Variants in ANKRD44 observed in about 807,000 individuals in gnomAD.
The protein encoded by ANKRD44 is ankyrin repeat domain 44.
Under a neutral mutation model 116.0 loss-of-function variants are expected in ANKRD44, and 35 were observed. The observed-to-expected ratio is 0.30, with a 90% CI of 0.23 to 0.40. The LOEUF is 0.40. Ranked by LOEUF, ANKRD44 falls within the 10% of genes least tolerant of loss-of-function variation. The probability of loss-of-function intolerance (pLI) is 1.00; values close to 1 mark genes in which losing one functional copy is unlikely to be tolerated. For synonymous variants in ANKRD44, 435 were observed against 461.8 expected, an observed-to-expected ratio of 0.94 and a Z score of 0.74; for missense variants, 1,014 against 1,242.6, an observed-to-expected ratio of 0.82 and a Z score of 2.77.
chr2:196,976,858 A>T (rs2075764644), intron 21 of ANKRD44, among the ~76,000 whole-genome samples: 1 of 150,522 alleles, frequency 6.6e-6, no homozygotes, highest in Non-Finnish European at 1.5e-5. Context: ...GCAGAGTGAG[A>T]TCTTGTCTCA....
intron 1 of ANKRD44, among the ~76,000 whole-genome samples, chr2:197,214,558 T>C (rs928665016): frequency 2.0e-5 from 3 of 152,168 alleles, no homozygotes; most frequent in Admixed American, 6.5e-5. Context: ...GTCTTAGTGA[T>C]TAGATTACAA....
chr2:197,040,129 C>A (rs1164939004), intron 16 of ANKRD44, among the ~76,000 whole-genome samples: 1 of 151,894 alleles, frequency 6.6e-6, no homozygotes, highest in African/African-American at 2.4e-5. Context: ...GTCTCAGCTA[C>A]TCAGGAGGCT....
chr2:197,096,642 T>G (rs1289640890), intron 10 of ANKRD44, among the ~76,000 whole-genome samples: 1 of 152,240 alleles, frequency 6.6e-6, no homozygotes, highest in East Asian at 1.9e-4. Flanking sequence ...AGAGTTAATT[T>G]AAATACATTT....
chr2:197,261,567 AAAT>A (rs1320401774), intron 1 of ANKRD44, among the ~76,000 whole-genome samples: 2 of 127,452 alleles, frequency 1.6e-5, no homozygotes, highest in Non-Finnish European at 3.4e-5. Flanking sequence ...TAAAAAAAAA[AAAT>A]GTTTCTTTTC....
chr2:197,064,099 T>C (rs950335706), intron 16 of ANKRD44, among the ~76,000 whole-genome samples: 2 of 152,214 alleles, frequency 1.3e-5, no homozygotes, highest in African/African-American at 4.8e-5. Context: ...TAACAGCTGA[T>C]CTCTTGGCAG....
intron 13 of ANKRD44, 63 bp from the exon 14 acceptor site, chr2:197,083,572 T>C: frequency 6.4e-7 from 1 of 1,550,910 alleles, no homozygotes. Flanking sequence ...TTGTTGGCAC[T>C]AGCACTGGCA....
intron 1 of ANKRD44, among the ~76,000 whole-genome samples, chr2:197,304,561 C>T (rs1053331587): frequency 2.6e-5 from 4 of 152,160 alleles, no homozygotes; most frequent in African/African-American, 2.4e-5. Context: ...GTCTCCATTA[C>T]AGGCACCAAG....
At chr2:197,021,999 T>C (rs1173488662) in intron 17 of ANKRD44, among the ~76,000 whole-genome samples, 1 of 152,338 alleles carries the variant, frequency 6.6e-6, no homozygotes, top group East Asian at 1.9e-4. Flanking sequence ...GAAATGCTTA[T>C]GAAATTCACT....
At chr2:197,226,009 G>C (rs1440685063) in intron 1 of ANKRD44, among the ~76,000 whole-genome samples, 2 of 152,068 alleles carry the variant, frequency 1.3e-5, no homozygotes, top group Non-Finnish European at 2.9e-5. Context: ...CTAAAAACAG[G>C]CTTTTATGGC....
At chr2:197,221,093 A>T (rs2081574974) in intron 1 of ANKRD44, among the ~76,000 whole-genome samples, 1 of 152,104 alleles carries the variant, frequency 6.6e-6, no homozygotes, top group Admixed American at 6.5e-5. Context: ...CTACTAAAAA[A>T]TACAAAAACT....
At chr2:197,261,024 G>C (rs979896488) in intron 1 of ANKRD44, among the ~76,000 whole-genome samples, 114 of 151,708 alleles carry the variant, frequency 7.5e-4, no homozygotes, top group African/African-American at 2.7e-3. Flanking sequence ...CCATTCTGTA[G>C]GTTGCCTGTT....
At chr2:197,089,531 G>T (rs974781501) in intron 11 of ANKRD44, among the ~76,000 whole-genome samples, 4 of 152,186 alleles carry the variant, frequency 2.6e-5, no homozygotes, top group African/African-American at 9.7e-5. Flanking sequence ...CCAGGGAGTG[G>T]GAAAGTAACA....
intron 21 of ANKRD44, among the ~76,000 whole-genome samples, chr2:196,972,462 G>T (rs1308488097): frequency 6.6e-6 from 1 of 152,100 alleles, no homozygotes; most frequent in Admixed American, 6.5e-5. Flanking sequence ...TTGTCCTCCC[G>T]AAGTGCTGGG....
rs2076094010 is a variant in ANKRD44 at position 197,000,419 on chromosome 2, C to T, written c.2519G>A (p.Arg840Lys). Residue 840 changes from arginine (R) to lysine (K), a missense_variant and splice_region_variant, in exon 23 of 28, where the codon AGG becomes AAG. Transcript: ENST00000282272. ...AAGCATGCTGTTTTAGATTACTTAC[C>T]TGCCTTTGTCATCTCTACAACTGAC... ...SIVSCRDDKG[R>K]TPLHAAAFAD... The T allele has an allele frequency of 1.2e-6, 2 of 1,613,060 alleles. No individual in the cohort carries two copies. Among genetic ancestry groups the T allele is most frequent in the African/African-American group, 1.3e-5 (1 of 74,980 alleles).
At chr2:197,238,929 T>C (rs2082032758) in intron 1 of ANKRD44, among the ~76,000 whole-genome samples, 1 of 152,098 alleles carries the variant, frequency 6.6e-6, no homozygotes, top group Admixed American at 6.5e-5. Context: ...GGTCTTGAAC[T>C]CCTGACCTCA....
chr2:197,032,355 G>A (rs2076722715), intron 16 of ANKRD44, among the ~76,000 whole-genome samples: 1 of 151,204 alleles, frequency 6.6e-6, no homozygotes, highest in South Asian at 2.1e-4. Flanking sequence ...ATAGTGGCCT[G>A]AACTACAGAA....
At chr2:197,242,184 A>AGG (rs2082104335) in intron 1 of ANKRD44, among the ~76,000 whole-genome samples, 1 of 152,200 alleles carries the variant, frequency 6.6e-6, no homozygotes, top group Admixed American at 6.5e-5. Context: ...TGACTAGTTT[A>AGG]TTTTAGTAGC....
At position 197,009,172 on chromosome 2, in the gene ANKRD44, A is replaced by G. The variant is rs2076253026; in HGVS notation, c.1925-141T>C. The G allele has an allele frequency of 5.0e-6, 3 of 595,310 alleles. No individual in the cohort carries two copies. The Admixed American group carries it at 7.5e-5, about 15-fold the overall frequency. The allele number at this position is 595,310 out of a possible 1,614,324, so 36.9% of individuals were successfully genotyped here. A position where few individuals can be genotyped will look rare whatever the true frequency, so the allele number is the denominator to read the frequency against. ...AGTGGGGCGATGTCATCTCATTGCA[A>G]TCTCCACCTCCCAGGTTCAAGCTAT... On this transcript the variant is annotated intron_variant, in intron 18 of 27. Coordinates refer to ENST00000282272, the MANE Select transcript of ANKRD44 (RefSeq NM_001195144.2).
chr2:197,263,107 GA>G, intron 1 of ANKRD44: 2 of 469,992 alleles, frequency 4.3e-6, no homozygotes, highest in South Asian at 1.9e-5. Flanking sequence ...CTCACCCCCT[GA>G]AAATGTACAC....
Sources: gnomAD v4.1 joint callset for allele counts (sites outside exome capture counted in the v4.1 genomes callset) on GRCh38, gnomAD v4.1.1 for gene constraint, MANE v1.5 for transcripts, NCBI Gene and HGNC (gene_info 2026-07-23, HGNC 2026-07-21) for gene names.